ANKS1B: variants seen among roughly 807,000 people sequenced by gnomAD.
ANKS1B encodes ankyrin repeat and sterile alpha motif domain containing 1B, also known as ankyrin repeat and sterile alpha motif domain-containing protein 1B.
ANKS1B carries 36 observed loss-of-function variants against 148.3 expected under a neutral mutation model. That is an observed-to-expected ratio of 0.24 (90% CI 0.19 to 0.32). ANKS1B has a LOEUF of 0.32. ANKS1B is among the 10% of genes least tolerant of loss of function. The pLI, the probability that ANKS1B is intolerant of heterozygous loss-of-function variation, is 1.00. For synonymous variants in ANKS1B, 542 were observed against 560.8 expected, an observed-to-expected ratio of 0.97 and a Z score of 0.47; for missense variants, 1,157 against 1,542.6, an observed-to-expected ratio of 0.75 and a Z score of 4.19.
At chr12:98,896,035 TG>T (rs1272139356) in intron 17 of ANKS1B, among the ~76,000 whole-genome samples, 1 of 152,226 alleles carries the variant, frequency 6.6e-6, no homozygotes, top group Non-Finnish European at 1.5e-5. Flanking sequence ...TCACTTAGTC[TG>T]GGGTAACAAC....
In ANKS1B at chr12:99,491,208, A is replaced by G. The variant is rs184059591; in HGVS notation, c.1438+13268T>C. Among the ~76,000 whole-genome samples the G allele has an allele frequency of 2.8e-3, 431 of 152,152 alleles. 4 individuals carry two copies. Among genetic ancestry groups the G allele is most frequent in the African/African-American group, 9.7e-3 (404 of 41,540 alleles). Reference sequence around the variant, plus strand: ...TAGTCCCAGCTACTGGGGAGGCTGAAGCAGGAGAATGGCGTGAACCTGGGA... The same window carrying G: ...TAGTCCCAGCTACTGGGGAGGCTGAGGCAGGAGAATGGCGTGAACCTGGGA... On this transcript the variant is annotated intron_variant, in intron 10 of 26. Transcript: ENST00000683438.
intron 8 of ANKS1B, among the ~76,000 whole-genome samples, chr12:99,755,584 C>T (rs1174718345): frequency 1.4e-5 from 1 of 72,242 alleles, no homozygotes; most frequent in Non-Finnish European, 2.7e-5. Context: ...AAAATGGATG[C>T]AAAAATCCTC....
At chr12:99,852,355 G>A (rs1452039095) in intron 1 of ANKS1B, among the ~76,000 whole-genome samples, 1 of 152,058 alleles carries the variant, frequency 6.6e-6, no homozygotes, top group Non-Finnish European at 1.5e-5. Context: ...AAACGTTAAG[G>A]TATCTTAAGA....
chr12:98,822,198 G>A (rs899311026), intron 19 of ANKS1B, among the ~76,000 whole-genome samples: 3 of 152,092 alleles, frequency 2.0e-5, no homozygotes, highest in Admixed American at 6.5e-5. Flanking sequence ...ATTACTTTAG[G>A]CCTATACGCA....
intron 1 of ANKS1B, among the ~76,000 whole-genome samples, chr12:99,911,094 T>C (rs537874393): frequency 1.3e-5 from 2 of 152,286 alleles, no homozygotes; most frequent in South Asian, 4.1e-4. Flanking sequence ...ATGAGAAAAC[T>C]GAGATTTAGG....
intron 1 of ANKS1B, among the ~76,000 whole-genome samples, chr12:99,837,502 G>A (rs1428564593): frequency 6.6e-6 from 1 of 152,146 alleles, no homozygotes; most frequent in African/African-American, 2.4e-5. Context: ...ATTGACTGCG[G>A]ACTTGCTACA....
intron 10 of ANKS1B, among the ~76,000 whole-genome samples, chr12:99,502,434 T>C (rs2096664907): frequency 1.3e-5 from 2 of 152,206 alleles, no homozygotes; most frequent in South Asian, 4.1e-4. Flanking sequence ...ATAACATTCT[T>C]TTTGTAATTT....
chr12:99,950,949 A>T lies in ANKS1B; in HGVS notation c.134+33155T>A, dbSNP rs554384811. Among the ~76,000 whole-genome samples the T allele has an allele frequency of 9.2e-5, 14 of 152,294 alleles. No individual in the cohort carries two copies. The South Asian group carries it at 2.7e-3, about 29-fold the overall frequency. ...TCACACATAAGATATAAATTGTTTA[A>T]TCCTTCCAGGACTTAGAATTTCTTC... On this transcript the variant is annotated intron_variant, in intron 1 of 26. Transcript: ENST00000683438.
intron 12 of ANKS1B, among the ~76,000 whole-genome samples, chr12:99,334,151 TAGACAGACAGACAGAC>T (rs750913591): frequency 1.3e-5 from 2 of 150,166 alleles, no homozygotes; most frequent in Non-Finnish European, 3.0e-5. Flanking sequence ...GATAGATAGA[TAGACAGACAGACAGAC>T]AGACAGACAG....
At chr12:98,813,324 A>C (rs1594488327) in intron 19 of ANKS1B, among the ~76,000 whole-genome samples, 2 of 136,392 alleles carry the variant, frequency 1.5e-5, no homozygotes, top group African/African-American at 2.8e-5. Context: ...TGATTCTCTC[A>C]CCTCAGCCTC....
chr12:99,625,244 G>A (rs2098099706), intron 9 of ANKS1B, among the ~76,000 whole-genome samples: 1 of 152,062 alleles, frequency 6.6e-6, no homozygotes, highest in Non-Finnish European at 1.5e-5. Context: ...GGGAGGGAAG[G>A]AGAGAGGTGG....
intron 19 of ANKS1B, among the ~76,000 whole-genome samples, chr12:98,816,278 C>G (rs2099139208): frequency 1.3e-5 from 2 of 152,228 alleles, no homozygotes; most frequent in South Asian, 4.1e-4. Flanking sequence ...ATTATTCTTT[C>G]AAGCAGAAAT....
chr12:99,791,249 C>A (rs1371881012), intron 4 of ANKS1B, among the ~76,000 whole-genome samples: 1 of 151,862 alleles, frequency 6.6e-6, no homozygotes, highest in African/African-American at 2.4e-5. Context: ...ATATATGCAC[C>A]AAACACTGGA....
chr12:99,530,897 T>A (rs1246785866), intron 9 of ANKS1B, among the ~76,000 whole-genome samples: 1 of 152,166 alleles, frequency 6.6e-6, no homozygotes, highest in Non-Finnish European at 1.5e-5. Context: ...CTTTAAAGCT[T>A]TCAAAGCCTC....
intron 17 of ANKS1B, among the ~76,000 whole-genome samples, chr12:98,848,385 T>C (rs140752235): frequency 6.6e-6 from 1 of 152,172 alleles, no homozygotes; most frequent in South Asian, 2.1e-4. Flanking sequence ...TTAATAAACA[T>C]AATATTATTC....
rs191117221 is a variant in ANKS1B, at chr12:98,988,916, A to G, written c.2778+64241T>C. Among the ~76,000 whole-genome samples the G allele has an allele frequency of 4.6e-5, 7 of 152,248 alleles. No individual in the cohort carries two copies. In the East Asian group the frequency reaches 7.7e-4, roughly 17 times the overall value. ...GTATATGTTCTTTGGAGAAATGTCA[A>G]TTCAGATCCTTTGCCTATTTTTAAA... On this transcript the variant is annotated intron_variant, in intron 17 of 26. Transcript: ENST00000683438.
At chr12:99,791,084 T>A (rs2065593633) in intron 4 of ANKS1B, among the ~76,000 whole-genome samples, 1 of 151,966 alleles carries the variant, frequency 6.6e-6, no homozygotes, top group African/African-American at 2.4e-5. Context: ...ATGAAAAAAG[T>A]ATTCCATGTC....
intron 10 of ANKS1B, among the ~76,000 whole-genome samples, chr12:99,446,508 C>T (rs906109110): frequency 2.0e-5 from 3 of 151,992 alleles, no homozygotes; most frequent in Non-Finnish European, 4.4e-5. Context: ...ATCACCATCC[C>T]TATTTTACAG....
At chr12:99,387,980 G>C (rs937742969) in intron 12 of ANKS1B, among the ~76,000 whole-genome samples, 3 of 152,014 alleles carry the variant, frequency 2.0e-5, no homozygotes, top group African/African-American at 7.3e-5. Context: ...TGATATATTT[G>C]GATAGAGGTG....
Sources: allele counts gnomAD v4.1 joint callset (sites outside exome capture counted in the v4.1 genomes callset), GRCh38; gene constraint gnomAD v4.1.1; transcripts MANE v1.5; gene names NCBI Gene and HGNC (gene_info 2026-07-23, HGNC 2026-07-21).